Variants in UBE2L3 observed in about 807,000 individuals in gnomAD.
The protein encoded by UBE2L3 is ubiquitin conjugating enzyme E2 L3.
In UBE2L3, 1 loss-of-function variant was observed where a neutral mutation model predicts 17.8. That is an observed-to-expected ratio of 0.06 (90% CI 0.02 to 0.27). The LOEUF is 0.27. Among genes scored for constraint, UBE2L3 ranks in the 10% least tolerant of loss-of-function variants. The pLI, the probability that UBE2L3 is intolerant of heterozygous loss-of-function variation, is 1.00. For synonymous variants in UBE2L3, 44 were observed against 68.5 expected, an observed-to-expected ratio of 0.64 and a Z score of 1.76; for missense variants, 40 against 192.6, an observed-to-expected ratio of 0.21 and a Z score of 4.69.
intron 3 of UBE2L3, among the ~76,000 whole-genome samples, chr22:21,617,144 TAAAAAAAAAAA>T (rs552706292): frequency 6.3e-5 from 7 of 110,688 alleles, no homozygotes; most frequent in Admixed American, 9.7e-5. Context: ...AACTCTGTCT[TAAAAAAAAAAA>T]AAAAAAAAGA....
At chr22:21,577,777 C>A (rs1056867650) in intron 1 of UBE2L3, among the ~76,000 whole-genome samples, 3 of 152,164 alleles carry the variant, frequency 2.0e-5, no homozygotes, top group Non-Finnish European at 1.5e-5. Flanking sequence ...TTCTGTATTT[C>A]ACTTTCTTGT....
At chr22:21,586,633 T>C (rs925006840) in intron 1 of UBE2L3, among the ~76,000 whole-genome samples, 1 of 151,504 alleles carries the variant, frequency 6.6e-6, no homozygotes, top group African/African-American at 2.4e-5. Flanking sequence ...AGTGGTGTGA[T>C]TGCAGCTTAC....
At chr22:21,589,840 G>A (rs1423385052) in intron 1 of UBE2L3, among the ~76,000 whole-genome samples, 1 of 152,178 alleles carries the variant, frequency 6.6e-6, no homozygotes, top group East Asian at 1.9e-4. Context: ...TTGACGGCAA[G>A]GTAAGTTGGG....
intron 1 of UBE2L3, among the ~76,000 whole-genome samples, chr22:21,576,928 T>A (rs1927337045): frequency 6.8e-6 from 1 of 146,810 alleles, no homozygotes; most frequent in Non-Finnish European, 1.5e-5. Context: ...CTCAGCCTCC[T>A]GAGTAGCTGG....
chr22:21,605,275 C>T (rs1045539257), intron 2 of UBE2L3, among the ~76,000 whole-genome samples: 13 of 152,196 alleles, frequency 8.5e-5, no homozygotes, highest in Middle Eastern at 3.4e-3. Context: ...CTCACTGCAG[C>T]GGTGTGATCT....
At chr22:21,568,515 C>T (rs1926771752) in intron 1 of UBE2L3, 1 of 840,862 alleles carries the variant, frequency 1.2e-6, no homozygotes, top group Admixed American at 6.2e-5. Context: ...TGATTTCAGT[C>T]GTTCGAATCA....
At chr22:21,568,407 T>C (rs1166429016) in intron 1 of UBE2L3, 4 of 985,172 alleles carry the variant, frequency 4.1e-6, no homozygotes, top group Non-Finnish European at 4.8e-6. Flanking sequence ...AGGCCTGAGG[T>C]CGGCCCCGAT....
chr22:21,608,273 ATTGAGTCTCTCTC>A (rs1929282420), intron 2 of UBE2L3, among the ~76,000 whole-genome samples: 2 of 152,286 alleles, frequency 1.3e-5, no homozygotes, highest in African/African-American at 4.8e-5. Flanking sequence ...TAACAAAGAA[ATTGAGTCTCTCTC>A]TTGCCCAAAA....
In UBE2L3 at chr22:21,610,892, C is replaced by T. The variant is rs1929439641; in HGVS notation, c.159C>T (p.Ile53=). 15 of 1,611,932 alleles carry T rather than the reference C, an allele frequency of 9.3e-6. No homozygotes were observed. Among genetic ancestry groups the T allele is most frequent in the Admixed American group, 1.7e-5 (1 of 59,436 alleles). ...NPPYDKGAFR[I]EINFPAEYPF... is the part of the protein sequence containing the mutation. ...CATATGATAAGGGAGCCTTCAGAAT[C>T]GAAATCAACTTTCCAGCAGAGTACC... Residue 53 remains isoleucine (I), a synonymous_variant, in exon 3 of 4, where the codon ATC becomes ATT. Transcript: ENST00000342192.
chr22:21,563,029 G>T (rs561981683), upstream of UBE2L3, among the ~76,000 whole-genome samples: 3 of 147,530 alleles, frequency 2.0e-5, no homozygotes, highest in Admixed American at 6.7e-5. Flanking sequence ...GGATCAGGAG[G>T]TCGGAAGTTC....
chr22:21,615,171 A>C (rs555959888), intron 3 of UBE2L3, among the ~76,000 whole-genome samples: 74 of 152,150 alleles, frequency 4.9e-4, no homozygotes, highest in Non-Finnish European at 8.5e-4. Flanking sequence ...AAAACAAAAC[A>C]AACAACAAAA....
chr22:21,568,014 C>T, intron 1 of UBE2L3: 1 of 1,325,096 alleles, frequency 7.5e-7, no homozygotes, highest in Non-Finnish European at 9.6e-7. Flanking sequence ...CCGGGGCGTT[C>T]ACGCCACTCT....
chr22:21,593,423 C>T (rs1467483805), intron 2 of UBE2L3, among the ~76,000 whole-genome samples: 1 of 152,172 alleles, frequency 6.6e-6, no homozygotes, highest in East Asian at 1.9e-4. Flanking sequence ...CCATTTGTCT[C>T]AAGTCCCTTT....
chr22:21,618,617 C>G (rs1929903002), intron 3 of UBE2L3, among the ~76,000 whole-genome samples: 1 of 148,670 alleles, frequency 6.7e-6, no homozygotes, highest in African/African-American at 2.5e-5. Context: ...GCGATAGGGT[C>G]TTGCTGTGTC....
chr22:21,605,120 C>T (rs992869918), intron 2 of UBE2L3, among the ~76,000 whole-genome samples: 8 of 152,220 alleles, frequency 5.3e-5, no homozygotes, highest in South Asian at 2.1e-4. Flanking sequence ...TGTGCACCAG[C>T]AGCACGCACA....
chr22:21,607,313 G>T (rs1264672950), intron 2 of UBE2L3, among the ~76,000 whole-genome samples: 1 of 151,280 alleles, frequency 6.6e-6, no homozygotes, highest in Admixed American at 6.6e-5. Flanking sequence ...TCAAGACCAG[G>T]CTGGCCAACA....
upstream of UBE2L3, among the ~76,000 whole-genome samples, chr22:21,567,343 T>G (rs1246802208): frequency 1.3e-5 from 2 of 152,190 alleles, no homozygotes; most frequent in Non-Finnish European, 2.9e-5. Flanking sequence ...TTTTGTATTT[T>G]TAGTAGAGAC....
upstream of UBE2L3, among the ~76,000 whole-genome samples, chr22:21,563,281 G>A (rs1295527895): frequency 6.7e-6 from 1 of 148,226 alleles, no homozygotes; most frequent in Non-Finnish European, 1.5e-5. Context: ...GCCGGGTGTG[G>A]TGGCTCACGC....
At chr22:21,610,054 C>T (rs144908301) in intron 2 of UBE2L3, among the ~76,000 whole-genome samples, 3 of 152,090 alleles carry the variant, frequency 2.0e-5, no homozygotes, top group East Asian at 1.9e-4. Flanking sequence ...TAGCTTCTAA[C>T]GACAAATTTA....
Sources: allele counts gnomAD v4.1 joint callset (sites outside exome capture counted in the v4.1 genomes callset), GRCh38; gene constraint gnomAD v4.1.1; transcripts MANE v1.5; gene names NCBI Gene and HGNC (gene_info 2026-07-23, HGNC 2026-07-21).